PCDHGA2: variants seen among roughly 807,000 people sequenced by gnomAD.
PCDHGA2 encodes protocadherin gamma-A2.
In PCDHGA2, 40 loss-of-function variants were observed where a neutral mutation model predicts 59.2. The observed-to-expected ratio is 0.68, with a 90% CI of 0.52 to 0.88. The LOEUF (loss-of-function observed/expected upper bound fraction) is 0.88, where lower values mean the gene tolerates loss of function less well. PCDHGA2 is among the 40% of genes least tolerant of loss of function. The pLI, the probability that PCDHGA2 is intolerant of heterozygous loss-of-function variation, is 0.00. For missense variants in PCDHGA2, 1,226 were observed against 1,204.0 expected, an observed-to-expected ratio of 1.02 and a Z score of -0.27; for synonymous variants, 560 against 526.0, an observed-to-expected ratio of 1.06 and a Z score of -0.89.
At chr5:141,342,752 A>G (rs1363363622) in intron 1 of PCDHGA2, 1 of 152,256 alleles carries the variant, frequency 6.6e-6, no homozygotes, top group African/African-American at 2.4e-5. Flanking sequence ...TATGTAATGC[A>G]TCATGATTGA....
At chr5:141,372,140 A>C in intron 1 of PCDHGA2, 1 of 1,613,766 alleles carries the variant, frequency 6.2e-7, no homozygotes, top group Non-Finnish European at 8.5e-7. Context: ...CGCGCTCTGC[A>C]GAGCCTGGCT....
At chr5:141,415,974 C>T (rs2095976813) in intron 1 of PCDHGA2, 1 of 375,644 alleles carries the variant, frequency 2.7e-6, no homozygotes, top group African/African-American at 2.1e-5. Flanking sequence ...GCCCCTTAAG[C>T]AACCCTCTTG....
chr5:141,390,429 T>C lies in PCDHGA2; in HGVS notation c.2424+49034T>C, dbSNP rs2092145009. On this transcript the variant is annotated intron_variant, in intron 1 of 3. Transcript: ENST00000394576. ...GTTGTAGTCAGTTAAAAAGCTGTCA[T>C]ATCATTCTACAAAGGAGGAGTAAAG... The C allele has an allele frequency of 6.0e-6, 6 of 1,008,304 alleles. No homozygotes were observed. The South Asian group carries it at 6.8e-5, about 11-fold the overall frequency. The allele number at this position is 1,008,304 out of a possible 1,614,324, so 62.5% of individuals were successfully genotyped here. A position where few individuals can be genotyped will look rare whatever the true frequency, so the allele number is the denominator to read the frequency against.
At chr5:141,360,535 A>T in intron 1 of PCDHGA2, 1 of 1,613,976 alleles carries the variant, frequency 6.2e-7, no homozygotes, top group Non-Finnish European at 8.5e-7. Flanking sequence ...CCCGCTATTC[A>T]AACAGACTAA....
intron 1 of PCDHGA2, chr5:141,388,696 AGG>A (rs1404425662): frequency 1.2e-6 from 2 of 1,613,882 alleles, no homozygotes; most frequent in Non-Finnish European, 1.7e-6. Flanking sequence ...GACCAGGATG[AGG>A]GTGTCAATGC....
chr5:141,374,991 C>A, intron 1 of PCDHGA2: 1 of 1,614,036 alleles, frequency 6.2e-7, no homozygotes, highest in Non-Finnish European at 8.5e-7. Flanking sequence ...GAAATTTCAA[C>A]TTCTGCAAAT....
At position 141,340,735 on chromosome 5, in the gene PCDHGA2, G is replaced by A; in HGVS notation, c.1764G>A (p.Val588=). 1.2e-6 allele frequency: 2 copies of A among 1,614,070 alleles called. No homozygotes were observed. Among genetic ancestry groups the A allele is most frequent in the South Asian group, 1.1e-5 (1 of 91,066 alleles). Residue 588 remains valine (V), a synonymous_variant, in exon 1 of 4, where the codon GTG becomes GTA. Transcript: ENST00000394576. ...APRSAEPGYL[V]TKVVAVDRDS... is the part of the protein sequence containing the mutation. ...GCTCCGCAGAGCCCGGCTACCTGGTGACCAAGGTGGTGGCGGTGGACAGAG... is the reference window on the plus strand; with the variant it reads ...GCTCCGCAGAGCCCGGCTACCTGGTAACCAAGGTGGTGGCGGTGGACAGAG...
chr5:141,343,499 T>G (rs1490465597), intron 1 of PCDHGA2: 1 of 499,278 alleles, frequency 2.0e-6, no homozygotes. Context: ...TTAATAGTTG[T>G]GTTGGTCCTT....
intron 2 of PCDHGA2, among the ~76,000 whole-genome samples, chr5:141,501,956 A>G (rs527567012): frequency 6.6e-6 from 1 of 152,136 alleles, no homozygotes; most frequent in Non-Finnish European, 1.5e-5. Context: ...GTGACAGGTC[A>G]TCCTCCTAAC....
chr5:141,384,334 C>T, intron 1 of PCDHGA2: 1 of 1,613,846 alleles, frequency 6.2e-7, no homozygotes. Flanking sequence ...TGCACAGGAC[C>T]ACGACAGTGA....
chr5:141,393,460 A>ATGGC (rs754334472), intron 1 of PCDHGA2: 1 of 1,614,052 alleles, frequency 6.2e-7, no homozygotes, highest in South Asian at 1.1e-5. Flanking sequence ...ACGGCCTCGG[A>ATGGC]TGGCGGCAAG....
At chr5:141,414,334 AC>A (rs1187631098) in intron 1 of PCDHGA2, 2 of 1,613,782 alleles carry the variant, frequency 1.2e-6, no homozygotes, top group South Asian at 2.2e-5. Context: ...TGGACAGGTA[AC>A]CTGTTCCATT....
intron 1 of PCDHGA2, chr5:141,423,700 G>A (rs753612385): frequency 7.5e-7 from 1 of 1,324,816 alleles, no homozygotes; most frequent in Non-Finnish European, 9.8e-7. Context: ...TTGGTGTCTT[G>A]GCACAAGTCT....
chr5:141,474,371 G>A (rs909237592), intron 1 of PCDHGA2, among the ~76,000 whole-genome samples: 1 of 152,180 alleles, frequency 6.6e-6, no homozygotes, highest in African/African-American at 2.4e-5. Flanking sequence ...TAGGTCTAGA[G>A]GAGGGCATTT....
At chr5:141,409,898 G>A in intron 1 of PCDHGA2, 1 of 1,613,240 alleles carries the variant, frequency 6.2e-7, no homozygotes, top group Non-Finnish European at 8.5e-7. Flanking sequence ...GCTGTACCCA[G>A]CTCTGGGTCC....
At chr5:141,439,622 TCC>T (rs1374759651) in intron 1 of PCDHGA2, among the ~76,000 whole-genome samples, 1 of 152,134 alleles carries the variant, frequency 6.6e-6, no homozygotes, top group Non-Finnish European at 1.5e-5. Context: ...AATGAGCCAA[TCC>T]CCAGACATTC....
chr5:141,435,951 G>A (rs371199258), intron 1 of PCDHGA2, among the ~76,000 whole-genome samples: 1 of 152,100 alleles, frequency 6.6e-6, no homozygotes, highest in Non-Finnish European at 1.5e-5. Context: ...ACCAAAAAAG[G>A]GGGCAAAATA....
rs780029376 is a variant in PCDHGA2 at position 141,375,319 on chromosome 5, G to A, written c.2424+33924G>A. On this transcript the variant is annotated intron_variant, in intron 1 of 3. Coordinates refer to ENST00000394576, the MANE Select transcript of PCDHGA2 (RefSeq NM_018915.4). ...TAGTGACAAATGCAGCTCTAGACCG[G>A]GAAGAGGTATTCTTGTACAACATCA... The A allele has an allele frequency of 9.3e-6, 15 of 1,613,770 alleles. No homozygotes were observed. The South Asian group carries it at 1.5e-4, about 17-fold the overall frequency.
chr5:141,409,251 CTT>C (rs771889477), intron 1 of PCDHGA2: 78 of 1,613,922 alleles, frequency 4.8e-5, no homozygotes, highest in Non-Finnish European at 6.2e-5. Context: ...ATAATCATCA[CTT>C]CTCTCTCTGA....
Sources: gnomAD v4.1 joint callset for allele counts (sites outside exome capture counted in the v4.1 genomes callset) on GRCh38, gnomAD v4.1.1 for gene constraint, MANE v1.5 for transcripts, NCBI Gene and HGNC (gene_info 2026-07-23, HGNC 2026-07-21) for gene names.